The following SLFN12L variants were observed in gnomAD, a reference collection of about 807,000 sequenced individuals.
SLFN12L encodes the protein schlafen family member 12 like, also known as schlafen family member 12-like.
A neutral mutation model predicts 34.8 loss-of-function variants in SLFN12L; 34 were observed. The observed-to-expected ratio is 0.98, with a 90% CI of 0.74 to 1.30. The LOEUF (loss-of-function observed/expected upper bound fraction) is 1.30, where lower values mean the gene tolerates loss of function less well. Among genes scored for constraint, SLFN12L ranks in the 50% most tolerant of loss-of-function variants. SLFN12L has a pLI of 0.00. For synonymous variants in SLFN12L, 259 were observed against 247.5 expected, an observed-to-expected ratio of 1.05 and a Z score of -0.44; for missense variants, 703 against 696.2, an observed-to-expected ratio of 1.01 and a Z score of -0.11.
At chr17:35,501,807 G>A (rs1915303705) in intron 2 of SLFN12L, among the ~76,000 whole-genome samples, 1 of 152,172 alleles carries the variant, frequency 6.6e-6, no homozygotes, top group Non-Finnish European at 1.5e-5. Context: ...TCAAAGGTAT[G>A]GCACAAGGTA....
rs1419357177 is a variant in SLFN12L, at chr17:35,466,172, T to C, written c.*8751A>G. On this transcript the variant is annotated 3_prime_UTR_variant, in exon 5 of 5. Coordinates refer to ENST00000628453, the MANE Select transcript of SLFN12L (RefSeq NM_001363830.2). ...TACATCATAATCACTCAAAATCCAT[T>C]GCGACTTTTACATTAGCGTTCATTC... Among the ~76,000 whole-genome samples the C allele has an allele frequency of 6.6e-6, 1 of 152,186 alleles. No individual in the cohort carries two copies. Among genetic ancestry groups the C allele is most frequent in the Non-Finnish European group, 1.5e-5 (1 of 68,036 alleles).
intron 2 of SLFN12L, among the ~76,000 whole-genome samples, chr17:35,519,018 A>G (rs1245782681): frequency 6.6e-6 from 1 of 152,246 alleles, no homozygotes; most frequent in African/African-American, 2.4e-5. Context: ...ATAAAAAAGA[A>G]TGAGTTCATG....
intron 1 of SLFN12L, among the ~76,000 whole-genome samples, chr17:35,527,035 C>T (rs889421749): frequency 1.3e-5 from 2 of 151,886 alleles, no homozygotes; most frequent in African/African-American, 4.8e-5. Flanking sequence ...GATATCACCA[C>T]GAATCCCACA....
At chr17:35,527,230 C>T (rs569804497) in intron 1 of SLFN12L, among the ~76,000 whole-genome samples, 115 of 152,230 alleles carry the variant, frequency 7.6e-4, no homozygotes, top group African/African-American at 2.7e-3. Context: ...ACCCTACCAA[C>T]CAGAAAAACT....
intron 2 of SLFN12L, among the ~76,000 whole-genome samples, chr17:35,497,760 G>T (rs1254339958): frequency 6.6e-6 from 1 of 152,178 alleles, no homozygotes; most frequent in East Asian, 1.9e-4. Context: ...AAAGCATTGT[G>T]TAAACCTTGA....
intron 2 of SLFN12L, among the ~76,000 whole-genome samples, chr17:35,505,809 G>A (rs911183472): frequency 2.0e-5 from 3 of 152,170 alleles, no homozygotes; most frequent in African/African-American, 2.4e-5. Context: ...ACTGGTCCAC[G>A]CATGGCTGAA....
rs544547146 is a variant in SLFN12L at position 35,474,647 on chromosome 17, C to T, written c.*276G>A. On this transcript the variant is annotated 3_prime_UTR_variant, in exon 5 of 5. Transcript: ENST00000628453. The stretch of plus-strand genomic sequence containing the variant: ...TAAAAGAATTGATTCTCCAGCCGGG[C>T]GCGGTGGCTCACATCTGTACTCCTA... 210 of 300,510 alleles carry T rather than the reference C, an allele frequency of 7.0e-4. 2 individuals carry two copies. The highest frequency in any genetic ancestry group is 9.2e-4 in the Non-Finnish European group (149 of 162,372). The allele number at this position is 300,510 out of a possible 1,614,324, so 18.6% of individuals were successfully genotyped here. A position where few individuals can be genotyped will look rare whatever the true frequency, so the allele number is the denominator to read the frequency against.
chr17:35,490,510 A>G, intron 2 of SLFN12L: 1 of 888,732 alleles, frequency 1.1e-6, no homozygotes, highest in South Asian at 1.3e-5. Flanking sequence ...CATCCATCTC[A>G]TTAAGAAGAA....
chr17:35,497,911 G>C (rs1915145617), intron 2 of SLFN12L, among the ~76,000 whole-genome samples: 1 of 152,206 alleles, frequency 6.6e-6, no homozygotes, highest in Non-Finnish European at 1.5e-5. Flanking sequence ...TGGGCCAGGC[G>C]AAGTGGCTCA....
rs955481539 is a variant in SLFN12L, at chr17:35,471,591, G to A, written c.*3332C>T. Among the ~76,000 whole-genome samples, 10 of 152,294 alleles carry A rather than the reference G, an allele frequency of 6.6e-5. No homozygotes were observed. The highest frequency in any genetic ancestry group is 2.6e-4 in the Admixed American group (4 of 15,306). On this transcript the variant is annotated 3_prime_UTR_variant, in exon 5 of 5. Transcript: ENST00000628453. ...GAACTAATTTACATTCCCACCAACA[G>A]TGTAAAAGCATTCCTATTTCTCCAC...
intron 2 of SLFN12L, among the ~76,000 whole-genome samples, chr17:35,504,889 G>A (rs2142153698): frequency 6.6e-6 from 1 of 152,328 alleles, no homozygotes; most frequent in East Asian, 1.9e-4. Context: ...ACCTTTACTA[G>A]GCACTGTGCC....
intron 4 of SLFN12L, among the ~76,000 whole-genome samples, chr17:35,476,373 G>A (rs1328428177): frequency 6.6e-6 from 1 of 151,868 alleles, no homozygotes; most frequent in African/African-American, 2.4e-5. Flanking sequence ...GGCCGAGGCA[G>A]GTGGATTGCT....
chr17:35,505,624 T>C (rs1239610933), intron 2 of SLFN12L, among the ~76,000 whole-genome samples: 1 of 152,222 alleles, frequency 6.6e-6, no homozygotes, highest in Non-Finnish European at 1.5e-5. Context: ...GAAAGCCCAG[T>C]TGAACATAAC....
chr17:35,490,065 G>A (rs1914770339), intron 2 of SLFN12L: 1 of 1,606,422 alleles, frequency 6.2e-7, no homozygotes. Flanking sequence ...CTCCAAAGCG[G>A]CGCCGTAGCC....
Position 35,469,721 on chromosome 17 carries a change from TC to T in SLFN12L, c.*5201del, listed in dbSNP as rs1913775106. Among the ~76,000 whole-genome samples the T allele has an allele frequency of 6.6e-6, 1 of 151,872 alleles. No individual in the cohort carries two copies. The highest frequency in any genetic ancestry group is 1.5e-5 in the Non-Finnish European group (1 of 67,986). On this transcript the variant is annotated 3_prime_UTR_variant, in exon 5 of 5. Transcript: ENST00000628453. Reference sequence around the variant, plus strand: ...AAACTAATGGCCAACATTCTTTACATCCCCGCTGTGACCCAGAGCTCATACT... The same window carrying T: ...AAACTAATGGCCAACATTCTTTACATCCCGCTGTGACCCAGAGCTCATACT...
At chr17:35,513,540 A>G (rs1376622159) in intron 2 of SLFN12L, among the ~76,000 whole-genome samples, 3 of 152,124 alleles carry the variant, frequency 2.0e-5, no homozygotes, top group Non-Finnish European at 2.9e-5. Flanking sequence ...CCAAGTACCA[A>G]CAGATGCCAC....
chr17:35,490,936 T>C, intron 2 of SLFN12L: 2 of 788,308 alleles, frequency 2.5e-6, no homozygotes, highest in South Asian at 2.7e-5. Flanking sequence ...GGAATATCCT[T>C]AAACCCACCT....
chr17:35,518,762 A>C (rs1915912655), intron 2 of SLFN12L, among the ~76,000 whole-genome samples: 1 of 152,202 alleles, frequency 6.6e-6, no homozygotes, highest in Non-Finnish European at 1.5e-5. Context: ...AGTGTAAATT[A>C]ATTCAACCAT....
At chr17:35,501,543 C>A (rs34198630) in intron 2 of SLFN12L, among the ~76,000 whole-genome samples, 1 of 152,098 alleles carries the variant, frequency 6.6e-6, no homozygotes, top group Non-Finnish European at 1.5e-5. Flanking sequence ...TGTAAAAGTG[C>A]GTGTGTGCCC....
Sources: allele counts gnomAD v4.1 joint callset (sites outside exome capture counted in the v4.1 genomes callset), GRCh38; gene constraint gnomAD v4.1.1; transcripts MANE v1.5; gene names NCBI Gene and HGNC (gene_info 2026-07-23, HGNC 2026-07-21).